The following DGKG variants were observed in gnomAD, a reference collection of about 807,000 sequenced individuals.
DGKG encodes diacylglycerol kinase gamma, also known as DAG kinase gamma.
A neutral mutation model predicts 105.3 loss-of-function variants in DGKG; 78 were observed. The observed-to-expected ratio is 0.74, with a 90% CI of 0.62 to 0.89. The LOEUF is 0.89. Ranked by LOEUF, DGKG falls within the 40% of genes least tolerant of loss-of-function variation. The pLI is 0.00. For synonymous variants in DGKG, 346 were observed against 367.1 expected (o/e 0.94, Z 0.66); for missense variants, 958 against 1,020.1 (o/e 0.94, Z 0.83).
intron 3 of DGKG, among the ~76,000 whole-genome samples, chr3:186,302,584 A>C (rs1322493463): frequency 7.0e-6 from 1 of 142,462 alleles, no homozygotes; most frequent in Non-Finnish European, 1.5e-5. Context: ...ATATACCCAC[A>C]TACATATATT....
chr3:186,284,747 TA>T lies in DGKG; in HGVS notation c.545-39del. 2 of 1,583,834 alleles carry T rather than the reference TA, an allele frequency of 1.3e-6. No individual in the cohort carries two copies. The highest frequency in any genetic ancestry group is 8.7e-7 in the Non-Finnish European group (1 of 1,153,034). On this transcript the variant is annotated intron_variant, in intron 6 of 24. Coordinates refer to ENST00000265022, the MANE Select transcript of DGKG (RefSeq NM_001346.3). The surrounding 1 kb of genome is among the most constrained non-coding windows in gnomAD (Gnocchi z 4.0). ...CAGAGGTAAGCCTTGAGGTGTCCTC[TA>T]AGAAGCGCGGATGGCTGAAGTTTTG...
chr3:186,224,944 T>C (rs112668094), intron 20 of DGKG, among the ~76,000 whole-genome samples: 40 of 152,290 alleles, frequency 2.6e-4, no homozygotes, highest in Middle Eastern at 6.8e-3. Flanking sequence ...GAGACTATAC[T>C]TTTAATTTTT....
intron 3 of DGKG, among the ~76,000 whole-genome samples, chr3:186,302,053 C>T (rs1025500298): frequency 6.6e-6 from 1 of 152,170 alleles, no homozygotes; most frequent in Admixed American, 6.5e-5. Context: ...AAGGCCCAAC[C>T]CGGATTCCAC....
At chr3:186,251,691 A>T (rs1369383212) in intron 19 of DGKG, 68 bp downstream of exon 19, 3 of 1,582,770 alleles carry the variant, frequency 1.9e-6, no homozygotes, top group Non-Finnish European at 2.6e-6. Context: ...CAGAGGGGAC[A>T]ACAGAAGGCT....
intron 1 of DGKG, among the ~76,000 whole-genome samples, chr3:186,345,948 T>G (rs1726311646): frequency 6.6e-6 from 1 of 152,092 alleles, no homozygotes; most frequent in Non-Finnish European, 1.5e-5. Flanking sequence ...TTTGTATTTT[T>G]AATAGCGATG....
Position 186,188,368 on chromosome 3 carries a change from A to C in DGKG, c.1929T>G (p.Val643=). 6.2e-7 allele frequency: 1 copy of C among 1,614,008 alleles called. No homozygotes were observed. Among genetic ancestry groups the C allele is most frequent in the Non-Finnish European group, 8.5e-7 (1 of 1,180,012 alleles). Reference sequence around the variant, plus strand: ...GGAAGATGTTGCTCAGGTCCACCCCAACCCCATCACACTGGAGGACGGAGA... The same window carrying C: ...GGAAGATGTTGCTCAGGTCCACCCCCACCCCATCACACTGGAGGACGGAGA... ...HDHIELECDG[V]GVDLSNIFLE... is the part of the protein sequence containing the mutation. Residue 643 remains valine (V), a synonymous_variant, in exon 22 of 25, where the codon GTT becomes GTG. Transcript: ENST00000265022.
At chr3:186,288,620 T>A (rs1261927487) in intron 6 of DGKG, 90 bp downstream of exon 6, 1 of 1,392,674 alleles carries the variant, frequency 7.2e-7, no homozygotes, top group Non-Finnish European at 1.0e-6. Flanking sequence ...TGATATCAAC[T>A]CAATCTCCAG....
At chr3:186,259,301 A>G (rs1721637781) in intron 16 of DGKG, among the ~76,000 whole-genome samples, 1 of 152,136 alleles carries the variant, frequency 6.6e-6, no homozygotes, top group Non-Finnish European at 1.5e-5. Context: ...CAGTTTTGAC[A>G]GTGGGCTGGT....
intron 21 of DGKG, among the ~76,000 whole-genome samples, chr3:186,200,683 C>T (rs1005110493): frequency 7.2e-5 from 11 of 152,154 alleles, no homozygotes; most frequent in South Asian, 2.1e-4. Context: ...TAGCCTTGTC[C>T]GCCCTGGTGT....
intron 2 of DGKG, among the ~76,000 whole-genome samples, chr3:186,317,080 A>T (rs2108636763): frequency 6.6e-6 from 1 of 152,244 alleles, no homozygotes; most frequent in East Asian, 1.9e-4. Context: ...GAAAAGGCCC[A>T]ACCCCAACAC....
In DGKG at chr3:186,317,527, A is replaced by T. The variant is rs557308447; in HGVS notation, c.67+2866T>A. 3.8e-4 allele frequency among the ~76,000 whole-genome samples: 58 copies of T among 152,184 alleles called. 2 individuals carry two copies. In the South Asian group the frequency reaches 0.012, roughly 31 times the overall value. ...CCCCAACACTCCTGATGCCACCACC[A>T]ACACATGCTCTGGGCTCCAGCCTGG... On this transcript the variant is annotated intron_variant, in intron 2 of 24. Coordinates refer to ENST00000265022, the MANE Select transcript of DGKG (RefSeq NM_001346.3).
chr3:186,215,634 G>A (rs964889397), intron 20 of DGKG, among the ~76,000 whole-genome samples: 5 of 152,006 alleles, frequency 3.3e-5, no homozygotes, highest in Non-Finnish European at 7.4e-5. Context: ...GGAAGGGCCT[G>A]GACAAGGGTC....
intron 5 of DGKG, among the ~76,000 whole-genome samples, chr3:186,292,059 C>T (rs1326706872): frequency 6.6e-6 from 1 of 152,134 alleles, no homozygotes; most frequent in Admixed American, 6.6e-5. Context: ...TAGCCCTGAC[C>T]TATGGCCATC....
At chr3:186,318,831 C>T (rs968382089) in intron 2 of DGKG, among the ~76,000 whole-genome samples, 16 of 152,214 alleles carry the variant, frequency 1.1e-4, no homozygotes, top group East Asian at 9.6e-4. Flanking sequence ...AATAAACCCA[C>T]GCTGGATTGA....
intron 14 of DGKG, among the ~76,000 whole-genome samples, chr3:186,264,691 A>G (rs568829411): frequency 2.6e-5 from 4 of 152,232 alleles, no homozygotes; most frequent in Non-Finnish European, 5.9e-5. Flanking sequence ...GAGGCAGAGC[A>G]GGAGGCCCCG....
intron 9 of DGKG, among the ~76,000 whole-genome samples, chr3:186,277,767 T>A (rs146978044): frequency 6.6e-6 from 1 of 152,278 alleles, no homozygotes; most frequent in East Asian, 1.9e-4. Flanking sequence ...GGCGTAGCCT[T>A]CCTCGTGCTC....
At chr3:186,294,954 GT>G (rs1197090251) in intron 5 of DGKG, among the ~76,000 whole-genome samples, 2 of 152,172 alleles carry the variant, frequency 1.3e-5, no homozygotes, top group African/African-American at 4.8e-5. Context: ...TGTGCATGGA[GT>G]TTGCTGAGCT....
chr3:186,264,601 T>C (rs1721955670), intron 14 of DGKG, among the ~76,000 whole-genome samples: 1 of 152,302 alleles, frequency 6.6e-6, no homozygotes, highest in African/African-American at 2.4e-5. Flanking sequence ...TATATTCTCA[T>C]TTAATCTTAC....
chr3:186,299,733 T>C (rs975320902), intron 3 of DGKG, among the ~76,000 whole-genome samples: 2 of 152,086 alleles, frequency 1.3e-5, no homozygotes, highest in East Asian at 3.9e-4. Context: ...ACAAAATCTT[T>C]TCTTCCTCCT....
Sources: gnomAD v4.1 joint callset for allele counts (sites outside exome capture counted in the v4.1 genomes callset) on GRCh38, gnomAD v4.1.1 for gene constraint, Gnocchi (gnomAD v3.1) non-coding constraint, MANE v1.5 for transcripts, NCBI Gene and HGNC (gene_info 2026-07-23, HGNC 2026-07-21) for gene names.